The following RABL2B variants were observed in gnomAD, a reference collection of about 807,000 sequenced individuals.
RABL2B encodes the protein RAB, member of RAS oncogene family like 2B.
Under a neutral mutation model 26.7 loss-of-function variants are expected in RABL2B, and 17 were observed. The ratio of observed to expected loss-of-function variants is 0.64; its 90% CI spans 0.44 to 0.95. RABL2B has a LOEUF of 0.95. Among genes scored for constraint, RABL2B ranks in the 40% least tolerant of loss-of-function variants. The pLI is 0.00. For synonymous variants in RABL2B, 70 were observed against 103.9 expected (o/e 0.67, Z 1.99); for missense variants, 170 against 277.2 (o/e 0.61, Z 2.75).
chr22:50,778,051 T>A lies in RABL2B; in HGVS notation c.108-70A>T. On this transcript the variant is annotated intron_variant, in intron 2 of 8. Coordinates refer to ENST00000691320, the MANE Select transcript of RABL2B (RefSeq NM_001130919.3). ...TCCCTCGTCCCAGACTTTTTCACCCTAAGGCTGACAACCTGGAAGCCACCT... is the reference window on the plus strand; with the variant it reads ...TCCCTCGTCCCAGACTTTTTCACCCAAAGGCTGACAACCTGGAAGCCACCT... The A allele has an allele frequency of 5.6e-6, 9 of 1,612,618 alleles. No individual in the cohort carries two copies. In the South Asian group the frequency reaches 9.9e-5, roughly 18 times the overall value.
At chr22:50,771,226 A>C (rs1484484455) in intron 5 of RABL2B, 1 of 151,874 alleles carries the variant, frequency 6.6e-6, no homozygotes, top group Non-Finnish European at 1.5e-5. Context: ...TATTTTTAGT[A>C]GAGACAGGGT....
intron 2 of RABL2B, among the ~76,000 whole-genome samples, chr22:50,780,436 C>T (rs1290551165): frequency 7.4e-6 from 1 of 135,840 alleles, no homozygotes; most frequent in South Asian, 2.3e-4. Flanking sequence ...GGGTCTTGCT[C>T]TGTCACTAGG....
At chr22:50,769,611 G>A (rs1407147928) in intron 6 of RABL2B, 59 bp from the exon 7 acceptor site, 26 of 1,604,438 alleles carry the variant, frequency 1.6e-5, no homozygotes, top group Middle Eastern at 1.7e-4. Flanking sequence ...AAGGTTTGGA[G>A]GGGGGGGCCA....
intron 2 of RABL2B, among the ~76,000 whole-genome samples, chr22:50,781,395 T>G (rs1228860279): frequency 2.2e-3 from 201 of 92,608 alleles, no homozygotes; most frequent in Middle Eastern, 5.6e-3. Context: ...GATTGTGTGG[T>G]GGGGAAGAGA....
chr22:50,773,751 A>C (rs1426277018), intron 5 of RABL2B, among the ~76,000 whole-genome samples: 1 of 151,180 alleles, frequency 6.6e-6, no homozygotes, highest in Non-Finnish European at 1.5e-5. Flanking sequence ...CCCCTCTGCT[A>C]TTGCTTCTTA....
Position 50,767,885 on chromosome 22 carries a change from G to T in RABL2B, c.*891C>A, listed in dbSNP as rs1417257146. 5.6e-6 allele frequency: 2 copies of T among 359,872 alleles called. No homozygotes were observed. The highest frequency in any genetic ancestry group is 2.0e-5 in the South Asian group (1 of 49,178). The allele number at this position is 359,872 out of a possible 1,614,324, so 22.3% of individuals were successfully genotyped here. A position where few individuals can be genotyped will look rare whatever the true frequency, so the allele number is the denominator to read the frequency against. ...GTTCCTGTGATCTCAGCTTTACCTAGAAGAGCTCCTGAAACAGAATGGGTA... is the reference window on the plus strand; with the variant it reads ...GTTCCTGTGATCTCAGCTTTACCTATAAGAGCTCCTGAAACAGAATGGGTA... On this transcript the variant is annotated 3_prime_UTR_variant, in exon 9 of 9. Transcript: ENST00000691320.
Position 50,776,747 on chromosome 22 carries a change from T to C in RABL2B, c.140A>G (p.Gln47Arg). 1 of 1,607,870 alleles carries C rather than the reference T, an allele frequency of 6.2e-7. No individual in the cohort carries two copies. The change falls in exon 4 of 9, where the codon CAG becomes CGG. Residue 47 changes from glutamine (Q) to arginine (R), a missense_variant and splice_region_variant. Around this residue, in one of 2 missense-constraint regions of RABL2B, gnomAD observed 165 missense variants for 232.0 expected, o/e 0.71. Coordinates refer to ENST00000691320, the MANE Select transcript of RABL2B (RefSeq NM_001130919.3). ...GGCGTACGTGGACAGCTGCTGTGGC[T>C]GACTGCACTCAGGTTAAGGAGCAAA... The part of the protein sequence containing the change: ...LMERFLMDGF[Q>R]PQQLSTYALT...
Position 50,767,766 on chromosome 22 carries a change from T to C in RABL2B, c.*1010A>G. ...ATAGGAACTTTAAAGGAAGCTCTTC[T>C]TGTAGTCCAAATGGACGTACCTTGT... On this transcript the variant is annotated 3_prime_UTR_variant, in exon 9 of 9. Coordinates refer to ENST00000691320, the MANE Select transcript of RABL2B (RefSeq NM_001130919.3). The C allele has an allele frequency of 4.0e-5, 18 of 454,216 alleles. 1 individual carries two copies. The highest frequency in any genetic ancestry group is 2.8e-4 in the South Asian group (18 of 64,136). The allele number at this position is 454,216 out of a possible 1,614,324, so 28.1% of individuals were successfully genotyped here.
chr22:50,772,012 GTATT>G (rs1378611831), intron 5 of RABL2B: 1 of 151,506 alleles, frequency 6.6e-6, no homozygotes, highest in African/African-American at 2.4e-5. Context: ...ATTTATTTAT[GTATT>G]TATTTTGAGA....
chr22:50,769,503 G>A lies in RABL2B; in HGVS notation c.459C>T (p.Ser153=), dbSNP rs782542291. The part of the protein sequence containing the change: ...QKSFNFAKKF[S]LPLYFVSAAD... ...CAGCCGAGACGAAATACAGGGGCAG[G>A]GAGAACTTCTTGGCAAAATTGAAGC... is the stretch of plus-strand genomic sequence containing the variant. Residue 153 remains serine (S), a synonymous_variant, in exon 7 of 9, where the codon TCC becomes TCT. Transcript: ENST00000691320. The A allele has an allele frequency of 1.2e-6, 2 of 1,612,418 alleles. No individual in the cohort carries two copies. Among genetic ancestry groups the A allele is most frequent in the South Asian group, 1.1e-5 (1 of 91,012 alleles).
intron 2 of RABL2B, among the ~76,000 whole-genome samples, chr22:50,778,583 C>T (rs1417102980): frequency 1.3e-5 from 2 of 152,128 alleles, no homozygotes; most frequent in Admixed American, 6.5e-5. Flanking sequence ...CTTGGTCACT[C>T]CTCTCTGCAA....
At chr22:50,770,683 G>C (rs2084010834) in intron 5 of RABL2B, among the ~76,000 whole-genome samples, 1 of 151,686 alleles carries the variant, frequency 6.6e-6, no homozygotes, top group Non-Finnish European at 1.5e-5. Flanking sequence ...TGCTTAAACT[G>C]TTTTAAAGTT....
At chr22:50,777,846 T>G in intron 3 of RABL2B, 106 bp downstream of exon 3, 1 of 1,576,740 alleles carries the variant, frequency 6.3e-7, no homozygotes, top group Non-Finnish European at 8.7e-7. Flanking sequence ...ACTTACCCAA[T>G]CCTCCTTCCT....
intron 2 of RABL2B, among the ~76,000 whole-genome samples, chr22:50,781,341 CT>C (rs1555928853): frequency 8.2e-6 from 1 of 121,514 alleles, no homozygotes; most frequent in Non-Finnish European, 1.6e-5. Context: ...GAGACTCCGT[CT>C]CAAAAAAAAA....
rs190476744 is a variant in RABL2B, at chr22:50,782,687, T to C, written c.-53-340A>G. ...ATGACTTTGCAAACATTCCTGAGAA[T>C]GTAACCACAGTCCAGACTCTTAGCT... On this transcript the variant is annotated intron_variant, in intron 1 of 8. Coordinates refer to ENST00000691320, the MANE Select transcript of RABL2B (RefSeq NM_001130919.3). 1.2e-3 allele frequency: 354 copies of C among 285,130 alleles called. 2 individuals are homozygous for C. Among genetic ancestry groups the C allele is most frequent in the Admixed American group, 2.7e-3 (57 of 21,110 alleles). 17.7% of individuals were successfully genotyped at this position (285,130 alleles called of 1,614,324 possible). A position where few individuals can be genotyped will look rare whatever the true frequency, so the allele number is the denominator to read the frequency against.
chr22:50,769,339 T>C, intron 7 of RABL2B, 116 bp downstream of exon 7: 1 of 1,608,942 alleles, frequency 6.2e-7, no homozygotes, highest in Non-Finnish European at 8.5e-7. Flanking sequence ...CTGCCACCCA[T>C]GCCCATGCAC....
rs1488921042 is a variant in RABL2B at position 50,772,912 on chromosome 22, C to T, written c.297+2860G>A. ...AAGGTTTCAAGGTGGAGGGTCGAGC[C>T]CTGGTTCCGTCTCTGACCCTCAGCT... On this transcript the variant is annotated intron_variant, in intron 5 of 8. Coordinates refer to ENST00000691320, the MANE Select transcript of RABL2B (RefSeq NM_001130919.3). 5.8e-6 allele frequency: 7 copies of T among 1,204,112 alleles called. No individual in the cohort carries two copies. In the African/African-American group the frequency reaches 1.1e-4, roughly 19 times the overall value. The allele number at this position is 1,204,112 out of a possible 1,614,324, so 74.6% of individuals were successfully genotyped here. A position where few individuals can be genotyped will look rare whatever the true frequency, so the allele number is the denominator to read the frequency against.
intron 2 of RABL2B, among the ~76,000 whole-genome samples, chr22:50,781,239 A>G (rs2085795430): frequency 6.6e-6 from 1 of 151,754 alleles, no homozygotes; most frequent in Non-Finnish European, 1.5e-5. Flanking sequence ...AGCTACTCGC[A>G]AGGCTGTGGC....
intron 7 of RABL2B, 154 bp downstream of exon 7, chr22:50,769,301 A>C (rs1418866855): frequency 1.3e-6 from 2 of 1,487,908 alleles, no homozygotes; most frequent in African/African-American, 2.8e-5. Flanking sequence ...TGCCTCATCA[A>C]GTCCAGGCCC....
Sources: allele counts gnomAD v4.1 joint callset (sites outside exome capture counted in the v4.1 genomes callset), GRCh38; gene constraint gnomAD v4.1.1; regional missense constraint gnomAD v4.1.1; transcripts MANE v1.5; gene names NCBI Gene and HGNC (gene_info 2026-07-23, HGNC 2026-07-21).